CCSER2: variants seen among roughly 807,000 people sequenced by gnomAD.
CCSER2 encodes the protein coiled-coil serine rich protein 2, also known as serine-rich coiled-coil domain-containing protein 2.
CCSER2 carries 46 observed loss-of-function variants against 92.3 expected under a neutral mutation model. The ratio of observed to expected loss-of-function variants is 0.50; its 90% CI spans 0.39 to 0.64. The LOEUF is 0.64. Ranked by LOEUF, CCSER2 falls within the 30% of genes least tolerant of loss-of-function variation. The probability of loss-of-function intolerance (pLI) is 0.00; values close to 1 mark genes in which losing one functional copy is unlikely to be tolerated. For missense variants in CCSER2, 1,244 were observed against 1,238.9 expected (o/e 1.00, Z -0.06); for synonymous variants, 433 against 431.4 (o/e 1.00, Z -0.04).
At chr10:84,375,715 T>A (rs1027556677) in intron 3 of CCSER2, among the ~76,000 whole-genome samples, 1 of 151,696 alleles carries the variant, frequency 6.6e-6, no homozygotes, top group Non-Finnish European at 1.5e-5. Context: ...GCAAATAGTT[T>A]ATTATTTTAA....
At chr10:84,409,571 G>C (rs1372310226) in intron 3 of CCSER2, among the ~76,000 whole-genome samples, 1 of 146,238 alleles carries the variant, frequency 6.8e-6, no homozygotes, top group South Asian at 2.2e-4. Flanking sequence ...CTGCTTGATT[G>C]CTCTCTTTTT....
chr10:84,467,603 A>C (rs965665965), intron 7 of CCSER2, among the ~76,000 whole-genome samples: 3 of 152,160 alleles, frequency 2.0e-5, no homozygotes, highest in Non-Finnish European at 2.9e-5. Context: ...GAACTGAAGA[A>C]ACCTCAAGAT....
At chr10:84,417,974 TGA>T (rs1040907647) in intron 4 of CCSER2, 113 bp downstream of exon 4, 18 of 642,000 alleles carry the variant, frequency 2.8e-5, no homozygotes, top group Non-Finnish European at 4.9e-5. Flanking sequence ...CCTTTCAGAC[TGA>T]GAATCAGTCT....
rs1389114623 is a variant in CCSER2 at position 84,350,581 on chromosome 10, A to G, written c.-39-20433A>G. On this transcript the variant is annotated intron_variant, in intron 1 of 9. Coordinates refer to ENST00000372088, the MANE Select transcript of CCSER2 (RefSeq NM_001284240.2). ...ACCTCCCACCAATTTAAGAGTCTGC[A>G]CTATCTCTGTCAAGTGCTTATCTAG... 3.3e-5 allele frequency among the ~76,000 whole-genome samples: 5 copies of G among 152,208 alleles called. 1 individual carries two copies. In the South Asian group the frequency reaches 1.0e-3, roughly 31 times the overall value.
intron 8 of CCSER2, among the ~76,000 whole-genome samples, chr10:84,474,662 CAA>C (rs397844899): frequency 0.078 from 5,070 of 64,964 alleles, 60 homozygotes; most frequent in East Asian, 0.099. Context: ...GACTCCATCT[CAA>C]AAAAAAAAAA....
intron 3 of CCSER2, chr10:84,391,563 A>C: frequency 1.3e-6 from 2 of 1,487,282 alleles, no homozygotes; most frequent in African/African-American, 2.8e-5. Flanking sequence ...AATGCCACAT[A>C]GGCAGTTGGA....
chr10:84,390,197 T>G (rs1254110042), intron 3 of CCSER2, among the ~76,000 whole-genome samples: 2 of 152,190 alleles, frequency 1.3e-5, no homozygotes, highest in African/African-American at 4.8e-5. Flanking sequence ...CAGGATTCAA[T>G]TCTAGTTTTT....
chr10:84,387,533 AT>A (rs879317141), intron 3 of CCSER2, among the ~76,000 whole-genome samples: 114 of 146,060 alleles, frequency 7.8e-4, no homozygotes, highest in Middle Eastern at 3.6e-3. Context: ...AGTAATTTTA[AT>A]TTTTTTTTTT....
At chr10:84,369,306 A>G (rs1041338037) in intron 1 of CCSER2, among the ~76,000 whole-genome samples, 4 of 152,088 alleles carry the variant, frequency 2.6e-5, no homozygotes, top group Non-Finnish European at 5.9e-5. Flanking sequence ...TTCCCTTTTC[A>G]TCACATCTAT....
At chr10:84,374,032 C>A in intron 3 of CCSER2, 1 of 1,044,374 alleles carries the variant, frequency 9.6e-7, no homozygotes, top group Non-Finnish European at 1.3e-6. Flanking sequence ...AACATGTTTA[C>A]ATATATATTC....
rs143121348 is a variant in CCSER2, at chr10:84,372,078, A to C, written c.1026A>C (p.Ser342=). ...GTMTVDGNKN[S]PADTCVEEDA... ...TGACAGTTGATGGAAATAAAAATTC[A>C]CCTGCTGACACATGTGTAGAGGAAG... Residue 342 remains serine, a synonymous_variant, in exon 2 of 10, where the codon TCA becomes TCC. Coordinates refer to ENST00000372088, the MANE Select transcript of CCSER2 (RefSeq NM_001284240.2). The C allele has an allele frequency of 7.9e-5, 128 of 1,613,814 alleles. No homozygotes were observed. In the African/African-American group the frequency reaches 1.5e-3, roughly 19 times the overall value.
intron 5 of CCSER2, among the ~76,000 whole-genome samples, chr10:84,437,124 A>AC (rs1414531359): frequency 7.2e-6 from 1 of 139,134 alleles, no homozygotes; most frequent in Non-Finnish European, 1.5e-5. Context: ...TAACTAGCCA[A>AC]CCAAATACAC....
chr10:84,409,107 CAGCCTCCTGAGTA>C (rs939204499), intron 3 of CCSER2, among the ~76,000 whole-genome samples: 1 of 152,118 alleles, frequency 6.6e-6, no homozygotes, highest in Non-Finnish European at 1.5e-5. Context: ...TCTCCTGCCT[CAGCCTCCTGAGTA>C]GCTGGAATTA....
chr10:84,462,469 G>A (rs1846156398), intron 6 of CCSER2, among the ~76,000 whole-genome samples: 1 of 152,142 alleles, frequency 6.6e-6, no homozygotes, highest in Non-Finnish European at 1.5e-5. Context: ...CTTGTAGGTA[G>A]GACTGGCGAT....
At chr10:84,486,180 T>G (rs1333074511) in intron 9 of CCSER2, among the ~76,000 whole-genome samples, 1 of 152,190 alleles carries the variant, frequency 6.6e-6, no homozygotes, top group Non-Finnish European at 1.5e-5. Context: ...TCTTTGCTAT[T>G]GTGAATAGTG....
intron 9 of CCSER2, among the ~76,000 whole-genome samples, chr10:84,489,731 C>G (rs1240862342): frequency 6.6e-6 from 1 of 152,112 alleles, no homozygotes; most frequent in Non-Finnish European, 1.5e-5. Context: ...AGCATTTAGC[C>G]CATTTACATT....
intron 5 of CCSER2, among the ~76,000 whole-genome samples, chr10:84,428,192 C>T (rs532099932): frequency 6.6e-6 from 1 of 152,296 alleles, no homozygotes; most frequent in South Asian, 2.1e-4. Context: ...GGACCAGTCT[C>T]CTGGAAGACA....
At chr10:84,356,553 A>G (rs1845182571) in intron 1 of CCSER2, among the ~76,000 whole-genome samples, 1 of 152,210 alleles carries the variant, frequency 6.6e-6, no homozygotes, top group Non-Finnish European at 1.5e-5. Context: ...TTTTATGCCA[A>G]AAGTTTTAAG....
At chr10:84,332,758 C>A (rs1843652047) in intron 1 of CCSER2, among the ~76,000 whole-genome samples, 1 of 151,812 alleles carries the variant, frequency 6.6e-6, no homozygotes, top group African/African-American at 2.4e-5. Flanking sequence ...TCAAGACCAG[C>A]CTGGGCTGTT....
Sources: gnomAD v4.1 joint callset for allele counts (sites outside exome capture counted in the v4.1 genomes callset) on GRCh38, gnomAD v4.1.1 for gene constraint, MANE v1.5 for transcripts, NCBI Gene and HGNC (gene_info 2026-07-23, HGNC 2026-07-21) for gene names.